The following SREK1IP1 variants were observed in gnomAD, a reference collection of about 807,000 sequenced individuals.
SREK1IP1 encodes SREK1 interacting protein 1.
Under a neutral mutation model 22.8 loss-of-function variants are expected in SREK1IP1, and 12 were observed. That is an observed-to-expected ratio of 0.53 (90% CI 0.34 to 0.85). The LOEUF (loss-of-function observed/expected upper bound fraction) is 0.85, where lower values mean the gene tolerates loss of function less well. Ranked by LOEUF, SREK1IP1 falls within the 40% of genes least tolerant of loss-of-function variation. SREK1IP1 has a pLI of 0.02. For missense variants in SREK1IP1, 147 were observed against 171.8 expected (o/e 0.86, Z 0.81); for synonymous variants, 53 against 52.7 (o/e 1.01, Z -0.02).
At chr5:64,729,253 C>G (rs986306052) in intron 3 of SREK1IP1, among the ~76,000 whole-genome samples, 1 of 152,090 alleles carries the variant, frequency 6.6e-6, no homozygotes, top group Non-Finnish European at 1.5e-5. Context: ...GTGCATGATC[C>G]TTGCCCACAG....
chr5:64,727,405 T>C (rs902761521), intron 4 of SREK1IP1, among the ~76,000 whole-genome samples: 2 of 150,220 alleles, frequency 1.3e-5, no homozygotes, highest in Admixed American at 6.6e-5. Flanking sequence ...TGGAAGGAAG[T>C]TGTGATGCTA....
At chr5:64,729,679 T>C (rs1742343510) in intron 3 of SREK1IP1, among the ~76,000 whole-genome samples, 1 of 151,572 alleles carries the variant, frequency 6.6e-6, no homozygotes, top group African/African-American at 2.4e-5. Context: ...GTAACTGGAG[T>C]AGTGCAGGCC....
In SREK1IP1 at chr5:64,755,952, C is replaced by T. The variant is rs560385339; in HGVS notation, c.14-1590G>A. On this transcript the variant is annotated intron_variant, in intron 1 of 4. Transcript: ENST00000513458. ...TATAGGAATTGGTGAAATTCCAGAA[C>T]ATTTACTATAATTGCTAGGTATTAT... Among the ~76,000 whole-genome samples, 5 of 152,094 alleles carry T rather than the reference C, an allele frequency of 3.3e-5. No individual in the cohort carries two copies. In the South Asian group the frequency reaches 6.2e-4, roughly 19 times the overall value.
At chr5:64,759,147 A>G (rs1742901740) in intron 1 of SREK1IP1, among the ~76,000 whole-genome samples, 2 of 152,134 alleles carry the variant, frequency 1.3e-5, no homozygotes, top group African/African-American at 4.8e-5. Flanking sequence ...GATCTTGGAT[A>G]TGGGTTCCCT....
At chr5:64,738,990 T>C (rs1483810000) in intron 3 of SREK1IP1, among the ~76,000 whole-genome samples, 1 of 152,140 alleles carries the variant, frequency 6.6e-6, no homozygotes, top group Non-Finnish European at 1.5e-5. Context: ...GGAAAGCTAT[T>C]CTGACTCCTG....
chr5:64,729,949 T>C (rs1401373278), intron 3 of SREK1IP1, among the ~76,000 whole-genome samples: 1 of 152,214 alleles, frequency 6.6e-6, no homozygotes, highest in Non-Finnish European at 1.5e-5. Flanking sequence ...GAGATTAGTC[T>C]GGACACACAC....
In SREK1IP1 at chr5:64,754,567, G is replaced by A. The variant is rs1488285086; in HGVS notation, c.14-205C>T. 1.4e-5 allele frequency: 7 copies of A among 488,860 alleles called. 1 individual carries two copies. The highest frequency in any genetic ancestry group is 6.7e-5 in the East Asian group (2 of 29,990). 30.3% of individuals were successfully genotyped at this position (488,860 alleles called of 1,614,324 possible). The stretch of plus-strand genomic sequence containing the variant: ...ACAGCCTCCAGCTCCTGGCTCAGGC[G>A]ATCCTCCTACCTTAGCCTCCCAAGC... On this transcript the variant is annotated intron_variant, in intron 1 of 4. Coordinates refer to ENST00000513458, the MANE Select transcript of SREK1IP1 (RefSeq NM_173829.4).
intron 1 of SREK1IP1, among the ~76,000 whole-genome samples, chr5:64,756,605 T>C (rs1742845811): frequency 6.6e-6 from 1 of 152,138 alleles, no homozygotes; most frequent in African/African-American, 2.4e-5. Flanking sequence ...AGTATAGTAT[T>C]ATTCCATTTT....
intron 3 of SREK1IP1, among the ~76,000 whole-genome samples, chr5:64,731,379 G>A (rs1303716413): frequency 6.6e-6 from 1 of 151,962 alleles, no homozygotes; most frequent in African/African-American, 2.4e-5. Context: ...GCCAGGCATG[G>A]TGGCACATGC....
chr5:64,754,939 T>C (rs959062022), intron 1 of SREK1IP1, among the ~76,000 whole-genome samples: 5 of 151,888 alleles, frequency 3.3e-5, no homozygotes, highest in African/African-American at 7.3e-5. Flanking sequence ...CAAACACATA[T>C]GGCTAACAAA....
intron 2 of SREK1IP1, among the ~76,000 whole-genome samples, chr5:64,752,237 C>T (rs1231535884): frequency 1.4e-5 from 2 of 147,878 alleles, no homozygotes; most frequent in African/African-American, 5.0e-5. Flanking sequence ...CTGCAAACTC[C>T]ACCTCCCGGG....
chr5:64,747,128 C>T (rs1742651983), intron 2 of SREK1IP1, among the ~76,000 whole-genome samples: 1 of 152,180 alleles, frequency 6.6e-6, no homozygotes, highest in Non-Finnish European at 1.5e-5. Flanking sequence ...GTTCACAAAC[C>T]CAGCAGCTCT....
intron 1 of SREK1IP1, among the ~76,000 whole-genome samples, chr5:64,768,158 C>T (rs1255925508): frequency 6.6e-6 from 1 of 152,038 alleles, no homozygotes; most frequent in Non-Finnish European, 1.5e-5. Flanking sequence ...GTTCCCACTT[C>T]AAGTTTTAGT....
chr5:64,724,344 A>C lies in SREK1IP1; in HGVS notation c.*40T>G, dbSNP rs1307439610. The C allele has an allele frequency of 7.4e-6, 11 of 1,486,494 alleles. No individual in the cohort carries two copies. Among genetic ancestry groups the C allele is most frequent in the Non-Finnish European group, 8.9e-6 (10 of 1,118,706 alleles). 92.1% of individuals were successfully genotyped at this position (1,486,494 alleles called of 1,614,324 possible). A position where few individuals can be genotyped will look rare whatever the true frequency, so the allele number is the denominator to read the frequency against. Reference sequence around the variant, plus strand: ...CAAGGAAGGGCAAACACGTTTTAAAAACAAATTTTTAAATTTAACGGCTTA... The same window carrying C: ...CAAGGAAGGGCAAACACGTTTTAAACACAAATTTTTAAATTTAACGGCTTA... On this transcript the variant is annotated 3_prime_UTR_variant, in exon 5 of 5. Coordinates refer to ENST00000513458, the MANE Select transcript of SREK1IP1 (RefSeq NM_173829.4).
chr5:64,741,225 G>A (rs1162623571), intron 2 of SREK1IP1, 25 bp from the exon 3 acceptor site: 2 of 1,595,648 alleles, frequency 1.3e-6, no homozygotes, highest in East Asian at 4.6e-5. Flanking sequence ...CAAAAAAAAT[G>A]TGAGTGATAA....
At chr5:64,754,005 A>C (rs1187305478) in intron 2 of SREK1IP1, among the ~76,000 whole-genome samples, 2 of 152,224 alleles carry the variant, frequency 1.3e-5, no homozygotes, top group African/African-American at 2.4e-5. Context: ...AAAGGGGGAA[A>C]AGAATAAGTA....
At chr5:64,734,206 A>G (rs1173135956) in intron 3 of SREK1IP1, among the ~76,000 whole-genome samples, 2 of 152,126 alleles carry the variant, frequency 1.3e-5, no homozygotes, top group Admixed American at 6.5e-5. Context: ...TAAAAAATCA[A>G]TTGTCACATA....
At chr5:64,727,544 TATATA>T (rs1377050606) in intron 4 of SREK1IP1, 3 of 125,614 alleles carry the variant, frequency 2.4e-5, no homozygotes, top group African/African-American at 1.3e-4. Context: ...TATATATATA[TATATA>T]TATATTTTTT....
Position 64,741,149 on chromosome 5 carries a change from C to G in SREK1IP1, c.113G>C (p.Arg38Thr). The G allele has an allele frequency of 6.2e-7, 1 of 1,612,460 alleles. No individual in the cohort carries two copies. Among genetic ancestry groups the G allele is most frequent in the South Asian group, 1.1e-5 (1 of 90,950 alleles). ...ACTGCTGACATCCAAAACTATGTCC[C>G]TTTTAGGGTCTACTCGGAGAAAATT... Reference protein sequence around the residue: ...CRNFLRVDPKRDIVLDVSSTS... With the variant: ...CRNFLRVDPKTDIVLDVSSTS... Residue 38 changes from arginine (R) to threonine (T), a missense_variant, in exon 3 of 5, where the codon AGG (arginine) becomes ACG (threonine). Transcript: ENST00000513458.
Sources: gnomAD v4.1 joint callset for allele counts (sites outside exome capture counted in the v4.1 genomes callset) on GRCh38, gnomAD v4.1.1 for gene constraint, MANE v1.5 for transcripts, NCBI Gene and HGNC (gene_info 2026-07-23, HGNC 2026-07-21) for gene names.